EPHA6: variants seen among roughly 807,000 people sequenced by gnomAD.
EPHA6 encodes the protein EPH receptor A6.
In EPHA6, 50 loss-of-function variants were observed where a neutral mutation model predicts 112.0. The ratio of observed to expected loss-of-function variants is 0.45; its 90% CI spans 0.36 to 0.56. The LOEUF is 0.56. Among genes scored for constraint, EPHA6 ranks in the 20% least tolerant of loss-of-function variants. The pLI, the probability that EPHA6 is intolerant of heterozygous loss-of-function variation, is 0.00. For synonymous variants in EPHA6, 529 were observed against 490.7 expected (o/e 1.08, Z -1.03); for missense variants, 1,280 against 1,417.4 (o/e 0.90, Z 1.56).
intron 5 of EPHA6, among the ~76,000 whole-genome samples, chr3:97,245,494 A>G (rs1411332588): frequency 6.6e-6 from 1 of 152,006 alleles, no homozygotes; most frequent in Non-Finnish European, 1.5e-5. Context: ...TAGAAAGACA[A>G]TTCAGCATAA....
chr3:97,206,255 T>C (rs1249810987), intron 3 of EPHA6, among the ~76,000 whole-genome samples: 2 of 152,050 alleles, frequency 1.3e-5, no homozygotes, highest in Non-Finnish European at 2.9e-5. Flanking sequence ...CCTGGTCTCA[T>C]TGCTTCTTTT....
intron 3 of EPHA6, among the ~76,000 whole-genome samples, chr3:97,128,477 G>A (rs2048243243): frequency 6.6e-6 from 1 of 152,078 alleles, no homozygotes. Context: ...GGGCATAGAA[G>A]CATTCTAAAC....
chr3:97,544,590 G>C (rs1026058148), intron 11 of EPHA6, among the ~76,000 whole-genome samples: 1 of 152,128 alleles, frequency 6.6e-6, no homozygotes, highest in African/African-American at 2.4e-5. Context: ...TTGGTATCAG[G>C]ATGATGCTGG....
At chr3:96,973,053 C>T (rs2042378945) in intron 2 of EPHA6, among the ~76,000 whole-genome samples, 1 of 152,124 alleles carries the variant, frequency 6.6e-6, no homozygotes, top group Non-Finnish European at 1.5e-5. Flanking sequence ...CAATGACTGC[C>T]AGTTGCTTTA....
intron 13 of EPHA6, among the ~76,000 whole-genome samples, chr3:97,614,805 G>A (rs185941302): frequency 3.2e-4 from 48 of 152,202 alleles, no homozygotes; most frequent in Non-Finnish European, 6.2e-4. Flanking sequence ...AAGATGGCTG[G>A]GAGCAAGAAA....
intron 3 of EPHA6, among the ~76,000 whole-genome samples, chr3:97,091,922 G>GTATCT (rs2047078332): frequency 2.0e-5 from 3 of 151,724 alleles, no homozygotes; most frequent in African/African-American, 7.3e-5. Flanking sequence ...GTAGTATCTG[G>GTATCT]CCTGAACATT....
At chr3:97,157,565 T>C (rs2076317110) in intron 3 of EPHA6, among the ~76,000 whole-genome samples, 1 of 152,130 alleles carries the variant, frequency 6.6e-6, no homozygotes, top group African/African-American at 2.4e-5. Flanking sequence ...ATATATTGAT[T>C]GGCTCATGTA....
Position 97,168,023 on chromosome 3 carries a change from T to A in EPHA6, c.1115-58241T>A, listed in dbSNP as rs866596127. On this transcript the variant is annotated intron_variant, in intron 3 of 17. Coordinates refer to ENST00000389672, the MANE Select transcript of EPHA6 (RefSeq NM_001080448.3). The stretch of plus-strand genomic sequence containing the variant: ...GATTTCAATATAATTTCATTTTGTA[T>A]GTATTTAGTAAAGAGAATTCACTTA... Among the ~76,000 whole-genome samples, 14 of 152,056 alleles carry A rather than the reference T, an allele frequency of 9.2e-5. No individual in the cohort carries two copies. In the South Asian group the frequency reaches 2.7e-3, roughly 29 times the overall value.
At chr3:97,725,354 T>G (rs1253910630) in intron 15 of EPHA6, among the ~76,000 whole-genome samples, 1 of 152,104 alleles carries the variant, frequency 6.6e-6, no homozygotes. Flanking sequence ...GACACTATGA[T>G]TGACCCAGCT....
intron 5 of EPHA6, among the ~76,000 whole-genome samples, chr3:97,382,141 T>G (rs1413440217): frequency 2.0e-5 from 3 of 152,084 alleles, no homozygotes; most frequent in Admixed American, 6.6e-5. Context: ...ATGAGTCTGA[T>G]AAGTATACAG....
At chr3:97,011,917 C>T (rs2044099534) in intron 3 of EPHA6, among the ~76,000 whole-genome samples, 1 of 152,102 alleles carries the variant, frequency 6.6e-6, no homozygotes, top group Non-Finnish European at 1.5e-5. Flanking sequence ...GTATGGTTTT[C>T]TGTTTGTGCA....
chr3:97,028,807 G>A (rs2044726996), intron 3 of EPHA6, among the ~76,000 whole-genome samples: 1 of 151,734 alleles, frequency 6.6e-6, no homozygotes, highest in Non-Finnish European at 1.5e-5. Context: ...TATTCTTATG[G>A]ATCATAGTAA....
chr3:97,541,901 T>G (rs1344044274), intron 11 of EPHA6, among the ~76,000 whole-genome samples: 1 of 150,230 alleles, frequency 6.7e-6, no homozygotes, highest in Non-Finnish European at 1.5e-5. Context: ...TAAAGGGGAG[T>G]TAATATTAAG....
intron 13 of EPHA6, among the ~76,000 whole-genome samples, chr3:97,620,378 A>G (rs565706616): frequency 6.6e-6 from 1 of 152,110 alleles, no homozygotes; most frequent in Non-Finnish European, 1.5e-5. Context: ...TATGATGAAG[A>G]CACCAAAATA....
At chr3:97,435,686 G>A (rs2089790760) in intron 6 of EPHA6, among the ~76,000 whole-genome samples, 1 of 152,080 alleles carries the variant, frequency 6.6e-6, no homozygotes, top group African/African-American at 2.4e-5. Flanking sequence ...GCAGAACAGG[G>A]CTCTTCACTG....
chr3:97,238,709 T>C (rs2078753002), intron 4 of EPHA6, among the ~76,000 whole-genome samples: 1 of 151,818 alleles, frequency 6.6e-6, no homozygotes, highest in Non-Finnish European at 1.5e-5. Context: ...TGACAGACGA[T>C]AGCAAGGAGT....
intron 14 of EPHA6, among the ~76,000 whole-genome samples, chr3:97,668,011 G>A (rs1281114484): frequency 6.6e-6 from 1 of 152,138 alleles, no homozygotes; most frequent in African/African-American, 2.4e-5. Context: ...AGATCACCAA[G>A]AGAATGGTCA....
intron 2 of EPHA6, among the ~76,000 whole-genome samples, chr3:96,933,878 T>C (rs1372169364): frequency 5.9e-5 from 9 of 152,038 alleles, no homozygotes; most frequent in Non-Finnish European, 1.0e-4. Context: ...TATCCTGTTG[T>C]GTAACAGGAA....
intron 14 of EPHA6, among the ~76,000 whole-genome samples, chr3:97,681,996 C>T (rs1025820662): frequency 6.6e-6 from 1 of 152,014 alleles, no homozygotes; most frequent in Non-Finnish European, 1.5e-5. Flanking sequence ...ATTATATAAG[C>T]CTGCTCAGCT....
Sources: gnomAD v4.1 joint callset for allele counts (sites outside exome capture counted in the v4.1 genomes callset) on GRCh38, gnomAD v4.1.1 for gene constraint, MANE v1.5 for transcripts, NCBI Gene and HGNC (gene_info 2026-07-23, HGNC 2026-07-21) for gene names.